Variants in MX2 observed in about 807,000 individuals in gnomAD.
The protein encoded by MX2 is MX dynamin like GTPase 2.
A neutral mutation model predicts 74.0 loss-of-function variants in MX2; 51 were observed. The ratio of observed to expected loss-of-function variants is 0.69; its 90% CI spans 0.55 to 0.87. The LOEUF is 0.87. MX2 is among the 40% of genes least tolerant of loss of function. MX2 has a pLI of 0.00. For missense variants in MX2, 832 were observed against 908.7 expected (o/e 0.92, Z 1.09); for synonymous variants, 369 against 339.3 (o/e 1.09, Z -0.96).
At position 41,399,313 on chromosome 21, in the gene MX2, A is replaced by C. The variant is rs765015891; in HGVS notation, c.1390A>C (p.Ile464Leu). The stretch of plus-strand genomic sequence containing the variant: ...AGAGGATTTTAAAAACTGGGTAGGC[A>C]TACTTGCAACTAATACCCAAAAAGG... ...IREDFKNWVG[I>L]LATNTQKVKN... The change falls in exon 10 of 14, where the codon ATA becomes CTA. Residue 464 changes from isoleucine to leucine, a missense_variant. Physicochemically the swap from Ile to Leu is conservative, Grantham distance 5 (BLOSUM62 2). Coordinates refer to ENST00000330714, the MANE Select transcript of MX2 (RefSeq NM_002463.2). The C allele has an allele frequency of 1.9e-6, 3 of 1,614,052 alleles. No homozygotes were observed. The highest frequency in any genetic ancestry group is 2.5e-6 in the Non-Finnish European group (3 of 1,180,040).
At chr21:41,370,665 G>A (rs886605208) in intron 1 of MX2, 2 of 152,258 alleles carry the variant, frequency 1.3e-5, no homozygotes, top group Non-Finnish European at 2.9e-5. Flanking sequence ...TGGTAACATT[G>A]CCTTCAGTGA....
At position 41,406,943 on chromosome 21, in the gene MX2, A is replaced by G. The variant is rs1290810097; in HGVS notation, c.1850A>G (p.Glu617Gly). 6.2e-7 allele frequency: 1 copy of G among 1,613,926 alleles called. No individual in the cohort carries two copies. Among genetic ancestry groups the G allele is most frequent in the African/African-American group, 1.3e-5 (1 of 74,904 alleles). The change falls in exon 13 of 14, where the codon GAG becomes GGG. Residue 617 changes from glutamate to glycine, a missense_variant. By Grantham distance (98) the Glu-to-Gly change is moderately conservative. Transcript: ENST00000330714. Reference sequence around the variant, plus strand: ...TTGAACTCTCATTTTCCCAGTAATGAGTCTTCGGTTTCCTCCTTTACTGAA... The same window carrying G: ...TTGAACTCTCATTTTCCCAGTAATGGGTCTTCGGTTTCCTCCTTTACTGAA... Reference protein sequence around the residue: ...MKLNSHFPSNESSVSSFTEIG... With the variant: ...MKLNSHFPSNGSSVSSFTEIG...
At chr21:41,378,352 G>A (rs1322527961) in intron 3 of MX2, among the ~76,000 whole-genome samples, 1 of 91,382 alleles carries the variant, frequency 1.1e-5, no homozygotes, top group Non-Finnish European at 1.8e-5. Context: ...AGGGCCCTAG[G>A]AGGGCAGCTT....
At chr21:41,377,378 G>A (rs1483153699) in intron 2 of MX2, among the ~76,000 whole-genome samples, 2 of 152,158 alleles carry the variant, frequency 1.3e-5, no homozygotes, top group African/African-American at 4.8e-5. Flanking sequence ...TGTGTGCGGG[G>A]GTCCCCTTCC....
At chr21:41,378,100 C>A (rs768149988) in intron 3 of MX2, 119 bp downstream of exon 3, 1 of 1,287,768 alleles carries the variant, frequency 7.8e-7, no homozygotes, top group East Asian at 2.5e-5. Context: ...CTGGGAAAGA[C>A]AGGACGCTGG....
chr21:41,381,172 C>G (rs904530875), intron 4 of MX2, among the ~76,000 whole-genome samples: 3 of 152,176 alleles, frequency 2.0e-5, no homozygotes, highest in Non-Finnish European at 4.4e-5. Flanking sequence ...TGCTGGATAC[C>G]CTCAATTAGC....
At chr21:41,378,048 A>G (rs1455503589) in intron 3 of MX2, 67 bp downstream of exon 3, 2 of 1,527,360 alleles carry the variant, frequency 1.3e-6, no homozygotes, top group Non-Finnish European at 1.8e-6. Context: ...AAGCTTCCCC[A>G]GGCACCAAGA....
Position 41,368,389 on chromosome 21 carries a change from C to G in MX2, c.-72+6334C>G, listed in dbSNP as rs1373048847. 6.6e-6 allele frequency among the ~76,000 whole-genome samples: 1 copy of G among 152,244 alleles called. No homozygotes were observed. The highest frequency in any genetic ancestry group is 6.5e-5 in the Admixed American group (1 of 15,302). On this transcript the variant is annotated intron_variant, in intron 1 of 13. Transcript: ENST00000330714. The surrounding 1 kb of genome is among the most constrained non-coding windows in gnomAD (Gnocchi z 4.6). ...TTCACCAGGCACACACCAGACAACC[C>G]GAAACCTACATTCCTTACTCAACAG...
At chr21:41,394,608 G>A (rs936672070) in intron 6 of MX2, among the ~76,000 whole-genome samples, 1 of 152,138 alleles carries the variant, frequency 6.6e-6, no homozygotes, top group Non-Finnish European at 1.5e-5. Context: ...TAGTAGACCA[G>A]ATAGCCAGAC....
intron 1 of MX2, 76 bp downstream of exon 1, chr21:41,362,131 T>C (rs1274548216): frequency 6.6e-6 from 1 of 152,136 alleles, no homozygotes; most frequent in African/African-American, 2.4e-5. Flanking sequence ...AAATATTTCC[T>C]GAGTAACGTG....
chr21:41,404,190 C>T (rs1162935524), intron 12 of MX2: 1 of 155,530 alleles, frequency 6.4e-6, no homozygotes, highest in Admixed American at 6.3e-5. Flanking sequence ...CACCAAGGGC[C>T]TTCACCTCTT....
chr21:41,362,532 G>A (rs924701735), intron 1 of MX2, among the ~76,000 whole-genome samples: 2 of 151,966 alleles, frequency 1.3e-5, no homozygotes, highest in African/African-American at 4.8e-5. Context: ...GCGGGGCAGG[G>A]CAGAGGGTGG....
chr21:41,396,757 TGAG>T (rs1343618374), intron 7 of MX2, among the ~76,000 whole-genome samples: 1 of 152,156 alleles, frequency 6.6e-6, no homozygotes, highest in Admixed American at 6.5e-5. Context: ...CTGGAGGACA[TGAG>T]GAGAAGAAAA....
chr21:41,374,362 T>A (rs990325666), intron 1 of MX2, among the ~76,000 whole-genome samples: 13 of 152,218 alleles, frequency 8.5e-5, no homozygotes, highest in Non-Finnish European at 1.9e-4. Flanking sequence ...GAGGACACTC[T>A]GCCTTGGCCT....
In MX2 at chr21:41,402,264, T is replaced by C. The variant is rs1401205726; in HGVS notation, c.1573+136T>C. 9.9e-6 allele frequency: 10 copies of C among 1,008,006 alleles called. No homozygotes were observed. The highest frequency in any genetic ancestry group is 1.4e-5 in the Non-Finnish European group (10 of 711,806). The allele number at this position is 1,008,006 out of a possible 1,614,324, so 62.4% of individuals were successfully genotyped here. On this transcript the variant is annotated intron_variant, in intron 11 of 13. Transcript: ENST00000330714. This position sits in a 1 kb window ranked among gnomAD's most constrained non-coding sequence, Gnocchi z 4.5. ...GCTCACTGGTGTGCTAGATTGCTAC[T>C]CTGTGTGGTCTGTGAGCCAGCAGCA... is the stretch of plus-strand genomic sequence containing the variant.
chr21:41,398,165 TG>T (rs1156810028), intron 8 of MX2, among the ~76,000 whole-genome samples: 4 of 152,058 alleles, frequency 2.6e-5, no homozygotes, highest in African/African-American at 9.7e-5. Flanking sequence ...CAAAATTAGC[TG>T]GGCATGGTGG....
At position 41,395,742 on chromosome 21, in the gene MX2, A is replaced by G. The variant is rs752037451; in HGVS notation, c.1027A>G (p.Thr343Ala). 1.9e-6 allele frequency: 3 copies of G among 1,614,214 alleles called. No individual in the cohort carries two copies. The Admixed American group carries it at 5.0e-5, about 27-fold the overall frequency. Residue 343 changes from threonine (T) to alanine (A), a missense_variant, in exon 7 of 14, where the codon ACC (threonine) becomes GCC (alanine). Physicochemically the swap from Thr to Ala is moderately conservative, Grantham distance 58. Transcript: ENST00000330714. ...AAACAGGCTGAGCTTGGCAGAGGCA[A>G]CCAAGAAAGAAATTACATTCTTTCA... Reference protein sequence around the residue: ...ITNRLSLAEATKKEITFFQTH... With the variant: ...ITNRLSLAEAAKKEITFFQTH...
Position 41,380,555 on chromosome 21 carries a change from A to G in MX2, c.577+404A>G, listed in dbSNP as rs1033527406. ...CAGGTCACCTGCGCCCCCTTTGGAA[A>G]TGCTGCTGCAGGACCCCTGGTCCCA... On this transcript the variant is annotated intron_variant, in intron 4 of 13. Transcript: ENST00000330714. This position sits in a 1 kb window ranked among gnomAD's most constrained non-coding sequence, Gnocchi z 4.3. 3.9e-5 allele frequency among the ~76,000 whole-genome samples: 6 copies of G among 152,068 alleles called. No homozygotes were observed. The highest frequency in any genetic ancestry group is 1.4e-4 in the African/African-American group (6 of 41,412).
intron 6 of MX2, among the ~76,000 whole-genome samples, chr21:41,390,959 T>C (rs143197614): frequency 0.04 from 5,971 of 149,950 alleles, 232 homozygotes; most frequent in East Asian, 0.18. Flanking sequence ...TGAGCCGAGA[T>C]CATGCCACTG....
Sources: allele counts gnomAD v4.1 joint callset (sites outside exome capture counted in the v4.1 genomes callset), GRCh38; gene constraint gnomAD v4.1.1; non-coding constraint Gnocchi (gnomAD v3.1); transcripts MANE v1.5; gene names NCBI Gene and HGNC (gene_info 2026-07-23, HGNC 2026-07-21).